BACE1: variants seen among roughly 807,000 people sequenced by gnomAD.
BACE1 encodes the protein APP beta-secretase.
BACE1 carries 21 observed loss-of-function variants against 54.0 expected under a neutral mutation model. That is an observed-to-expected ratio of 0.39 (90% CI 0.28 to 0.56). BACE1 has a LOEUF of 0.56. Among genes scored for constraint, BACE1 ranks in the 20% least tolerant of loss-of-function variants. The pLI, the probability that BACE1 is intolerant of heterozygous loss-of-function variation, is 0.63. For missense variants in BACE1, 511 were observed against 661.2 expected (o/e 0.77, Z 2.49); for synonymous variants, 232 against 260.9 (o/e 0.89, Z 1.07).
At chr11:117,308,681 G>A (rs2034883619) in intron 1 of BACE1, among the ~76,000 whole-genome samples, 1 of 152,068 alleles carries the variant, frequency 6.6e-6, no homozygotes, top group African/African-American at 2.4e-5. Context: ...TGGGTGCGGT[G>A]GCTCATACCT....
intron 1 of BACE1, among the ~76,000 whole-genome samples, chr11:117,300,347 G>C (rs536220327): frequency 6.6e-6 from 1 of 152,200 alleles, no homozygotes; most frequent in African/African-American, 2.4e-5. Flanking sequence ...TGCCCTCTGC[G>C]GTGTGCTCCC....
Position 117,290,528 on chromosome 11 carries a change from C to T in BACE1, c.1224G>A (p.Arg408=), listed in dbSNP as rs2034394241. Residue 408 remains arginine (R), a synonymous_variant, in exon 8 of 9, where the codon CGG becomes CGA. Transcript: ENST00000313005. ...CAGCAAAGCCAATTCGTTTTCGGGC[C>T]CGATCAAAGACAACGTAGAAGCCCT... ...IMEGFYVVFD[R]ARKRIGFAVS... is the part of the protein sequence containing the mutation. The T allele has an allele frequency of 1.9e-6, 3 of 1,614,064 alleles. No homozygotes were observed. The highest frequency in any genetic ancestry group is 1.3e-5 in the African/African-American group (1 of 74,924).
intron 5 of BACE1, chr11:117,292,732 T>C (rs2034478785): frequency 4.5e-6 from 1 of 220,650 alleles, no homozygotes; most frequent in Admixed American, 5.7e-5. Flanking sequence ...GATCTGGGTC[T>C]TCCTGACTCC....
intron 1 of BACE1, among the ~76,000 whole-genome samples, chr11:117,303,267 A>T (rs985548222): frequency 6.6e-6 from 1 of 152,188 alleles, no homozygotes; most frequent in African/African-American, 2.4e-5. Context: ...AGGCAGACCC[A>T]GGAGACAGAT....
At chr11:117,298,291 C>G (rs2034647783) in intron 1 of BACE1, among the ~76,000 whole-genome samples, 1 of 151,738 alleles carries the variant, frequency 6.6e-6, no homozygotes, top group Non-Finnish European at 1.5e-5. Flanking sequence ...GAGAGCAACA[C>G]TCCGTCTCAA....
At chr11:117,290,445 T>C (rs949725468) in intron 8 of BACE1, 43 bp downstream of exon 8, 4 of 1,598,270 alleles carry the variant, frequency 2.5e-6, no homozygotes, top group Admixed American at 1.7e-5. Context: ...ACAAGGAAAA[T>C]ATGGAGAGAC....
chr11:117,315,858 C>T lies in BACE1; in HGVS notation c.-63G>A. 2 of 1,366,020 alleles carry T rather than the reference C, an allele frequency of 1.5e-6. No individual in the cohort carries two copies. Among genetic ancestry groups the T allele is most frequent in the Non-Finnish European group, 1.9e-6 (2 of 1,066,488 alleles). The allele number at this position is 1,366,020 out of a possible 1,614,324, so 84.6% of individuals were successfully genotyped here. A position where few individuals can be genotyped will look rare whatever the true frequency, so the allele number is the denominator to read the frequency against. On this transcript the variant is annotated 5_prime_UTR_variant, in exon 1 of 9. Transcript: ENST00000313005. This position sits in a 1 kb window ranked among gnomAD's most constrained non-coding sequence, Gnocchi z 5.5. ...GGCCCACGTCCGTCCCTGGCGCCTG[C>T]CCCCAAGTCTGGGTGGTGCTGGTGG...
intron 1 of BACE1, among the ~76,000 whole-genome samples, chr11:117,297,826 C>T (rs564185139): frequency 6.6e-6 from 1 of 152,332 alleles, no homozygotes; most frequent in South Asian, 2.1e-4. Context: ...GGGAGGGCCT[C>T]AGAGAAAGCC....
chr11:117,296,468 G>A (rs1365921848), intron 2 of BACE1, among the ~76,000 whole-genome samples: 1 of 152,152 alleles, frequency 6.6e-6, no homozygotes, highest in Non-Finnish European at 1.5e-5. Flanking sequence ...AAGGGGAGCC[G>A]TCACTGAGGC....
chr11:117,314,742 T>A (rs1189599000), intron 1 of BACE1: 2 of 152,362 alleles, frequency 1.3e-5, no homozygotes, highest in South Asian at 4.1e-4. Context: ...CCTTGGAGAT[T>A]GTCAGGAAGG....
In BACE1 at chr11:117,315,818, C is replaced by G; in HGVS notation, c.-23G>C. 1 of 1,390,756 alleles carries G rather than the reference C, an allele frequency of 7.2e-7. No individual in the cohort carries two copies. The highest frequency in any genetic ancestry group is 3.0e-5 in the East Asian group (1 of 32,910). The allele number at this position is 1,390,756 out of a possible 1,614,324, so 86.2% of individuals were successfully genotyped here. A position where few individuals can be genotyped will look rare whatever the true frequency, so the allele number is the denominator to read the frequency against. On this transcript the variant is annotated 5_prime_UTR_variant, in exon 1 of 9. Transcript: ENST00000313005. This position sits in a 1 kb window ranked among gnomAD's most constrained non-coding sequence, Gnocchi z 5.5. ...CATGGTGGGCCCCGGCCTTCGGGCC[C>G]TCTGGGCTCGCACTGGCCCACGTCC...
chr11:117,311,941 C>T (rs117410635), intron 1 of BACE1, among the ~76,000 whole-genome samples: 3 of 152,202 alleles, frequency 2.0e-5, no homozygotes, highest in Non-Finnish European at 2.9e-5. Context: ...ACACAGCCCC[C>T]ACTCTTTTTA....
At chr11:117,307,700 TAG>T (rs1266140214) in intron 1 of BACE1, among the ~76,000 whole-genome samples, 1 of 152,194 alleles carries the variant, frequency 6.6e-6, no homozygotes, top group African/African-American at 2.4e-5. Context: ...TTAGTGCTTT[TAG>T]AGAGAGCACA....
chr11:117,296,508 A>G (rs545578533), intron 2 of BACE1, among the ~76,000 whole-genome samples: 1 of 152,260 alleles, frequency 6.6e-6, no homozygotes, highest in Admixed American at 6.5e-5. Context: ...CTGGTGTTAG[A>G]GAACTGAGAG....
Position 117,289,760 on chromosome 11 carries a change from A to G in BACE1, c.1312T>C (p.Leu438=), listed in dbSNP as rs138594731. ...TAAVEGPFVT[L]DMEDCGYNIP... ...TTGTAGCCACAGTCTTCCATGTCCA[A>G]GGTGACAAAAGGGCCTTCCACCGCT... The change falls in exon 9 of 9, where the codon TTG becomes CTG. Residue 438 remains leucine, a synonymous_variant. Transcript: ENST00000313005. The G allele has an allele frequency of 2.9e-4, 475 of 1,614,202 alleles. No homozygotes were observed. In the African/African-American group the frequency reaches 5.4e-3, roughly 18 times the overall value.
rs775866522 is a variant in BACE1 at position 117,291,751 on chromosome 11, C to T, written c.903G>A (p.Val301=). 1.2e-6 allele frequency: 2 copies of T among 1,613,696 alleles called. No homozygotes were observed. Among genetic ancestry groups the T allele is most frequent in the East Asian group, 2.2e-5 (1 of 44,870 alleles). Residue 301 remains valine, a synonymous_variant, in exon 6 of 9, where the codon GTG becomes GTA. Coordinates refer to ENST00000313005, the MANE Select transcript of BACE1 (RefSeq NM_012104.6). ...TGATGGATTTGACTGCAGCTTCAAA[C>T]ACTTTCTTGGGCAAACGAAGGTTGG... The part of the protein sequence containing the change: ...GTTNLRLPKK[V]FEAAVKSIKA...
chr11:117,292,064 G>A (rs542735698), intron 5 of BACE1: 8 of 246,638 alleles, frequency 3.2e-5, no homozygotes, highest in Non-Finnish European at 6.2e-5. Context: ...ACTTAGAATC[G>A]TGCCCAGCAG....
chr11:117,296,264 C>G (rs552930065), intron 2 of BACE1, among the ~76,000 whole-genome samples: 1 of 151,856 alleles, frequency 6.6e-6, no homozygotes, highest in Non-Finnish European at 1.5e-5. Flanking sequence ...CCCCCACTTT[C>G]ACCAGTCCTC....
chr11:117,299,728 T>C (rs2034680507), intron 1 of BACE1: 1 of 368,870 alleles, frequency 2.7e-6, no homozygotes, highest in Non-Finnish European at 5.3e-6. Context: ...TCAATAGAGC[T>C]GGGAGGCTCA....
Sources: allele counts gnomAD v4.1 joint callset (sites outside exome capture counted in the v4.1 genomes callset), GRCh38; gene constraint gnomAD v4.1.1; non-coding constraint Gnocchi (gnomAD v3.1); transcripts MANE v1.5; gene names NCBI Gene and HGNC (gene_info 2026-07-23, HGNC 2026-07-21).